Variants in GMDS observed in about 807,000 individuals in gnomAD.
The protein encoded by GMDS is GDP-mannose 4,6-dehydratase, also known as GDP-mannose 4,6 dehydratase.
In GMDS, 20 loss-of-function variants were observed where a neutral mutation model predicts 49.9. That is an observed-to-expected ratio of 0.40 (90% CI 0.28 to 0.58). GMDS has a LOEUF of 0.58. Among genes scored for constraint, GMDS ranks in the 20% least tolerant of loss-of-function variants. GMDS has a pLI of 0.42. For synonymous variants in GMDS, 177 were observed against 178.6 expected, an observed-to-expected ratio of 0.99 and a Z score of 0.07; for missense variants, 362 against 481.4, an observed-to-expected ratio of 0.75 and a Z score of 2.32.
intron 7 of GMDS, among the ~76,000 whole-genome samples, chr6:1,869,823 T>C (rs1758637170): frequency 6.6e-6 from 1 of 152,240 alleles, no homozygotes; most frequent in Non-Finnish European, 1.5e-5. Flanking sequence ...CACTGATCCC[T>C]GGCTCTTCCT....
intron 7 of GMDS, among the ~76,000 whole-genome samples, chr6:1,784,365 C>T (rs1769228480): frequency 7.4e-6 from 1 of 135,566 alleles, no homozygotes; most frequent in African/African-American, 2.8e-5. Flanking sequence ...GCACTCCAGC[C>T]TGGGTGACAG....
intron 1 of GMDS, among the ~76,000 whole-genome samples, chr6:2,219,203 T>C (rs529354385): frequency 1.3e-5 from 2 of 152,340 alleles, no homozygotes; most frequent in African/African-American, 4.8e-5. Flanking sequence ...CCCATTTGCA[T>C]CTTTATATTT....
intron 7 of GMDS, among the ~76,000 whole-genome samples, chr6:1,803,961 G>T (rs1255089906): frequency 1.3e-5 from 2 of 152,202 alleles, no homozygotes; most frequent in South Asian, 2.1e-4. Flanking sequence ...TCACAGGTAT[G>T]ATTTAGTGTC....
intron 1 of GMDS, among the ~76,000 whole-genome samples, chr6:2,211,163 G>A (rs1780045651): frequency 6.6e-6 from 1 of 152,102 alleles, no homozygotes; most frequent in East Asian, 1.9e-4. Context: ...TGTGAGAACG[G>A]ACTAACACAG....
intron 4 of GMDS, among the ~76,000 whole-genome samples, chr6:2,052,145 A>C (rs1016259586): frequency 1.3e-5 from 2 of 148,268 alleles, no homozygotes; most frequent in African/African-American, 4.9e-5. Flanking sequence ...AAAAAAAAAC[A>C]GAAAAGAAAA....
In GMDS at chr6:1,778,906, T is replaced by C. The variant is rs1276567156; in HGVS notation, c.772-36320A>G. Among the ~76,000 whole-genome samples, 1 of 152,082 alleles carries C rather than the reference T, an allele frequency of 6.6e-6. No individual in the cohort carries two copies. Among genetic ancestry groups the C allele is most frequent in the Non-Finnish European group, 1.5e-5 (1 of 68,002 alleles). On this transcript the variant is annotated intron_variant, in intron 7 of 10. Transcript: ENST00000380815. The surrounding 1 kb of genome is among the most constrained non-coding windows in gnomAD (Gnocchi z 4.6). The stretch of plus-strand genomic sequence containing the variant: ...AATGTTTTTCCAACCCCAACACCCC[T>C]GCTGCCCTCCTGGTTCAGGTTTCTT...
At chr6:2,145,256 C>T (rs143390546) in intron 1 of GMDS, among the ~76,000 whole-genome samples, 27 of 152,230 alleles carry the variant, frequency 1.8e-4, no homozygotes, top group Middle Eastern at 3.4e-3. Context: ...ATTTTTAGAC[C>T]GGGCACGGTG....
At chr6:1,751,283 A>C (rs1386009782) in intron 7 of GMDS, among the ~76,000 whole-genome samples, 1 of 152,086 alleles carries the variant, frequency 6.6e-6, no homozygotes, top group Admixed American at 6.5e-5. Flanking sequence ...ACCGGGAGAT[A>C]CCTCCTAGCA....
chr6:2,046,717 T>G (rs1770040113), intron 4 of GMDS, among the ~76,000 whole-genome samples: 1 of 145,148 alleles, frequency 6.9e-6, no homozygotes, highest in Non-Finnish European at 1.5e-5. Context: ...CTGCCTGGCC[T>G]CCCAGTGTGC....
intron 1 of GMDS, among the ~76,000 whole-genome samples, chr6:2,211,278 C>T (rs1581802519): frequency 6.6e-6 from 1 of 152,148 alleles, no homozygotes; most frequent in Admixed American, 6.5e-5. Flanking sequence ...ACTAACGCCC[C>T]TTACACACGT....
At chr6:2,127,166 G>A (rs1775497085) in intron 1 of GMDS, among the ~76,000 whole-genome samples, 2 of 152,074 alleles carry the variant, frequency 1.3e-5, no homozygotes, top group African/African-American at 2.4e-5. Flanking sequence ...CACAACCACT[G>A]AAAATGTTAT....
At chr6:1,939,103 C>T (rs1293273423) in intron 6 of GMDS, among the ~76,000 whole-genome samples, 1 of 151,714 alleles carries the variant, frequency 6.6e-6, no homozygotes, top group African/African-American at 2.4e-5. Flanking sequence ...TTCTTGCTTG[C>T]TTATTTTTTC....
intron 8 of GMDS, among the ~76,000 whole-genome samples, chr6:1,731,532 A>G (rs2113455923): frequency 6.6e-6 from 1 of 152,350 alleles, no homozygotes; most frequent in East Asian, 1.9e-4. Flanking sequence ...CTGCAAATTA[A>G]TAGGCAATGG....
chr6:1,727,124 T>C (rs1167952449), intron 8 of GMDS, among the ~76,000 whole-genome samples: 1 of 152,210 alleles, frequency 6.6e-6, no homozygotes, highest in African/African-American at 2.4e-5. Flanking sequence ...GTTTGTTTCC[T>C]GCTGAGTGAG....
At chr6:1,792,985 C>T (rs1769601554) in intron 7 of GMDS, among the ~76,000 whole-genome samples, 1 of 152,116 alleles carries the variant, frequency 6.6e-6, no homozygotes, top group Non-Finnish European at 1.5e-5. Flanking sequence ...TGATAATTTC[C>T]TTATATTTTC....
intron 1 of GMDS, among the ~76,000 whole-genome samples, chr6:2,146,313 G>C (rs1441617199): frequency 6.6e-6 from 1 of 152,118 alleles, no homozygotes; most frequent in East Asian, 1.9e-4. Context: ...GACATATGAA[G>C]GTGGTTAAGT....
At position 2,174,692 on chromosome 6, in the gene GMDS, C is replaced by T. The variant is rs138752575; in HGVS notation, c.103-49961G>A. Among the ~76,000 whole-genome samples, 11 of 152,098 alleles carry T rather than the reference C, an allele frequency of 7.2e-5. No homozygotes were observed. In the East Asian group the frequency reaches 1.7e-3, roughly 24 times the overall value. ...AAGTGATTCTCCTGCCTCAGGATCC[C>T]GAGTAGCTAGGACTGCAGGCACGTG... On this transcript the variant is annotated intron_variant, in intron 1 of 10. Transcript: ENST00000380815.
chr6:1,791,279 C>T (rs147812937), intron 7 of GMDS, among the ~76,000 whole-genome samples: 99 of 152,216 alleles, frequency 6.5e-4, no homozygotes, highest in African/African-American at 2.0e-3. Context: ...TTGTACTGGG[C>T]GCTTAAACAC....
At chr6:2,206,393 G>A (rs1028987347) in intron 1 of GMDS, among the ~76,000 whole-genome samples, 1 of 152,182 alleles carries the variant, frequency 6.6e-6, no homozygotes, top group Middle Eastern at 3.4e-3. Context: ...GGGTGCCTCT[G>A]GGAGGCTCTA....
Sources: allele counts gnomAD v4.1 joint callset (sites outside exome capture counted in the v4.1 genomes callset), GRCh38; gene constraint gnomAD v4.1.1; non-coding constraint Gnocchi (gnomAD v3.1); transcripts MANE v1.5; gene names NCBI Gene and HGNC (gene_info 2026-07-23, HGNC 2026-07-21).